ACBD5: variants seen among roughly 807,000 people sequenced by gnomAD.
ACBD5 encodes the protein acyl-CoA binding domain containing 5.
In ACBD5, 40 loss-of-function variants were observed where a neutral mutation model predicts 71.8. The observed-to-expected ratio is 0.56, with a 90% CI of 0.43 to 0.72. The LOEUF is 0.72. ACBD5 is among the 30% of genes least tolerant of loss of function. ACBD5 has a pLI of 0.00. For synonymous variants in ACBD5, 229 were observed against 218.6 expected (o/e 1.05, Z -0.42); for missense variants, 559 against 644.5 (o/e 0.87, Z 1.44).
chr10:27,184,867 C>G (rs1448453179), intron 13 of ACBD5, among the ~76,000 whole-genome samples: 1 of 152,048 alleles, frequency 6.6e-6, no homozygotes, highest in Non-Finnish European at 1.5e-5. Context: ...CCCAAAAGAG[C>G]ATACTTTTAT....
At chr10:27,208,538 T>A in intron 9 of ACBD5, 93 bp from the exon 10 acceptor site, 1 of 1,446,910 alleles carries the variant, frequency 6.9e-7, no homozygotes, top group Non-Finnish European at 9.5e-7. Flanking sequence ...TTCTTTGAGA[T>A]CTAAATCTCC....
Position 27,196,308 on chromosome 10 carries a change from G to A in ACBD5, c.*1122C>T. The A allele has an allele frequency of 2.2e-6, 1 of 454,110 alleles. No individual in the cohort carries two copies. Among genetic ancestry groups the A allele is most frequent in the South Asian group, 1.6e-5 (1 of 64,478 alleles). 28.1% of individuals were successfully genotyped at this position (454,110 alleles called of 1,614,324 possible). ...GAAGGCATACAGGAAAAGTCTCCAA[G>A]GATCTAAATTGTAGTCTTCTTTTTG... is the stretch of plus-strand genomic sequence containing the variant. On this transcript the variant is annotated 3_prime_UTR_variant, in exon 13 of 13. Coordinates refer to ENST00000396271, the MANE Select transcript of ACBD5 (RefSeq NM_145698.5).
Position 27,223,395 on chromosome 10 carries a change from G to C in ACBD5, c.433C>G (p.Pro145Ala), listed in dbSNP as rs1421870255. 2 of 1,613,812 alleles carry C rather than the reference G, an allele frequency of 1.2e-6. No individual in the cohort carries two copies. The highest frequency in any genetic ancestry group is 2.2e-5 in the South Asian group (2 of 91,082). ...KVEELLRVIG[P>A]FYEIVEDKKS... ...TTGTCCTCGACAATTTCATAAAATG[G>C]ACCTATGACACGCAGCAATTCTTCA... is the stretch of plus-strand genomic sequence containing the variant. The change falls in exon 5 of 13, where the codon CCA becomes GCA. Residue 145 changes from proline to alanine, a missense_variant. By Grantham distance (27) the Pro-to-Ala change is conservative. Transcript: ENST00000396271.
At chr10:27,191,013 TCAGTTGGA>T (rs1320163185), downstream of ACBD5, among the ~76,000 whole-genome samples, 2 of 152,078 alleles carry the variant, frequency 1.3e-5, no homozygotes, top group Admixed American at 1.3e-4. Flanking sequence ...ATTCAAGAAA[TCAGTTGGA>T]CACCTCCAAA....
At chr10:27,193,114 CGTGTGTGTGTGTGTGTGTGTGTGTGTGT>C (rs58983291), downstream of ACBD5, among the ~76,000 whole-genome samples, 4 of 80,244 alleles carry the variant, frequency 5.0e-5, no homozygotes, top group Admixed American at 1.6e-4. Context: ...TTCCTTCCTT[CGTGTGTGTGTGTGTGTGTGTGTGTGTGT>C]GTGTGTGTGT....
At chr10:27,210,137 GTAGGAATGGAATATTACAAAATT>G (rs1230827353) in intron 9 of ACBD5, among the ~76,000 whole-genome samples, 5 of 152,172 alleles carry the variant, frequency 3.3e-5, no homozygotes, top group Non-Finnish European at 5.9e-5. Flanking sequence ...CCCTAGCCTT[GTAGGAATGGAATATTACAAAATT>G]TTACATTTGC....
At chr10:27,185,786 C>CA (rs59621747) in intron 13 of ACBD5, among the ~76,000 whole-genome samples, 76,669 of 141,120 alleles carry the variant, frequency 0.54, 21,486 homozygotes, top group Non-Finnish European at 0.65. Flanking sequence ...GACTCCATTT[C>CA]AAAAAAAAAA....
intron 5 of ACBD5, chr10:27,220,546 A>G (rs1439801125): frequency 6.6e-6 from 1 of 152,202 alleles, no homozygotes; most frequent in East Asian, 1.9e-4. Context: ...ATTTGTTACC[A>G]ATGCTGTTGG....
chr10:27,237,750 A>G (rs569615131), intron 2 of ACBD5, among the ~76,000 whole-genome samples: 1 of 149,788 alleles, frequency 6.7e-6, no homozygotes, highest in East Asian at 2.0e-4. Context: ...CCTCCCGAGT[A>G]GCTGGGATTA....
Position 27,218,006 on chromosome 10 carries a change from C to A in ACBD5, c.803G>T (p.Gly268Val). The A allele has an allele frequency of 6.2e-7, 1 of 1,614,110 alleles. No homozygotes were observed. Residue 268 changes from glycine (G) to valine (V), a missense_variant, in exon 7 of 13, where the codon GGA (glycine) becomes GTA (valine). Gly to Val is a moderately radical substitution (Grantham distance 109). Transcript: ENST00000396271. ...KPIDENLGQTGKSAVCIHQDI... is the reference protein window; with the variant it reads ...KPIDENLGQTVKSAVCIHQDI... The stretch of plus-strand genomic sequence containing the variant: ...TTGGTGAATGCAAACAGCAGATTTT[C>A]CAGTTTGCCCCAAGTTTTCATCAAT...
At chr10:27,193,157 GTGTGTGTGTGTGTGTC>G, downstream of ACBD5, among the ~76,000 whole-genome samples, 1 of 121,874 alleles carries the variant, frequency 8.2e-6, no homozygotes, top group Non-Finnish European at 1.8e-5. Context: ...GTGTGTGTGT[GTGTGTGTGTGTGTGTC>G]TTGCTCTGTT....
chr10:27,201,336 G>A (rs891776740), intron 12 of ACBD5, among the ~76,000 whole-genome samples: 1 of 152,178 alleles, frequency 6.6e-6, no homozygotes, highest in Non-Finnish European at 1.5e-5. Flanking sequence ...TGAACAAGAA[G>A]TCTGCAGGTA....
chr10:27,218,742 T>C (rs1055464166), intron 6 of ACBD5, among the ~76,000 whole-genome samples: 1 of 151,954 alleles, frequency 6.6e-6, no homozygotes, highest in East Asian at 1.9e-4. Flanking sequence ...CCCGCCACTA[T>C]GCCTGGCTAA....
chr10:27,231,256 C>T (rs7912056), intron 4 of ACBD5, among the ~76,000 whole-genome samples: 7,946 of 152,242 alleles, frequency 0.052, 547 homozygotes, highest in African/African-American at 0.16. Flanking sequence ...GTGGCTCATG[C>T]CTGTAATCCC....
rs1483614542 is a variant in ACBD5 at position 27,235,108 on chromosome 10, T to C, written c.286A>G (p.Ile96Val). Residue 96 changes from isoleucine (I) to valine (V), a missense_variant, in exon 3 of 13, where the codon ATT becomes GTT. Physicochemically the swap from Ile to Val is conservative, Grantham distance 29. Coordinates refer to ENST00000396271, the MANE Select transcript of ACBD5 (RefSeq NM_145698.5). Reference sequence around the variant, plus strand: ...AAAAATTACCATTTATATCTTCCAATAGGATCCCAAAATCCAGGCCTTGAA... The same window carrying C: ...AAAAATTACCATTTATATCTTCCAACAGGATCCCAAAATCCAGGCCTTGAA... ...KLSRPGFWDP[I>V]GRYKWDAWSS... is the part of the protein sequence containing the mutation. The C allele has an allele frequency of 6.2e-7, 1 of 1,613,950 alleles. No individual in the cohort carries two copies. The highest frequency in any genetic ancestry group is 8.5e-7 in the Non-Finnish European group (1 of 1,179,922).
chr10:27,220,046 C>CTA (rs1454137932), intron 5 of ACBD5, among the ~76,000 whole-genome samples, 189 bp from the exon 6 acceptor site: 3 of 152,124 alleles, frequency 2.0e-5, no homozygotes, highest in Non-Finnish European at 4.4e-5. Context: ...CTTCAATTAT[C>CTA]ACCTTATGAT....
At chr10:27,218,678 C>T (rs1974364) in intron 6 of ACBD5, among the ~76,000 whole-genome samples, 26,765 of 151,566 alleles carry the variant, frequency 0.18, 2,850 homozygotes, top group East Asian at 0.29. Flanking sequence ...TTCTGCCTCC[C>T]GGGTTCAAGT....
intron 2 of ACBD5, among the ~76,000 whole-genome samples, chr10:27,237,990 G>C (rs1019472051): frequency 1.3e-5 from 2 of 151,522 alleles, no homozygotes; most frequent in Non-Finnish European, 1.5e-5. Flanking sequence ...GTCTGGCTCT[G>C]TCACCCAGGC....
At chr10:27,219,591 CT>C in intron 6 of ACBD5, 131 bp downstream of exon 6, 1 of 1,262,778 alleles carries the variant, frequency 7.9e-7, no homozygotes, top group Non-Finnish European at 1.1e-6. Context: ...CCACAGCAAA[CT>C]TGTTTATAAG....
Sources: gnomAD v4.1 joint callset for allele counts (sites outside exome capture counted in the v4.1 genomes callset) on GRCh38, gnomAD v4.1.1 for gene constraint, MANE v1.5 for transcripts, NCBI Gene and HGNC (gene_info 2026-07-23, HGNC 2026-07-21) for gene names.